Variants in METAP1 observed in about 807,000 individuals in gnomAD.
The protein encoded by METAP1 is methionine aminopeptidase 1.
In METAP1, 28 loss-of-function variants were observed where a neutral mutation model predicts 53.8. The observed-to-expected ratio is 0.52, with a 90% confidence interval of 0.39 to 0.71. METAP1 has a LOEUF of 0.71. Among genes scored for constraint, METAP1 ranks in the 30% least tolerant of loss-of-function variants. METAP1 has a pLI of 0.00. For synonymous variants in METAP1, 181 were observed against 165.7 expected (o/e 1.09, Z -0.71); for missense variants, 389 against 479.8 (o/e 0.81, Z 1.77).
intron 8 of METAP1, among the ~76,000 whole-genome samples, chr4:99,047,228 T>G (rs539436272): frequency 5.9e-5 from 9 of 152,268 alleles, no homozygotes; most frequent in Middle Eastern, 3.4e-3. Flanking sequence ...GGCCTGATAA[T>G]TTTTTGTTGT....
At chr4:99,022,093 A>G (rs923559540) in intron 1 of METAP1, among the ~76,000 whole-genome samples, 5 of 152,256 alleles carry the variant, frequency 3.3e-5, no homozygotes, top group Non-Finnish European at 5.9e-5. Flanking sequence ...TGCAGTAGTC[A>G]TAATCATGCT....
chr4:99,021,678 A>G (rs1022994457), intron 1 of METAP1, among the ~76,000 whole-genome samples: 10 of 152,142 alleles, frequency 6.6e-5, no homozygotes, highest in Admixed American at 5.9e-4. Flanking sequence ...TCCTGACACA[A>G]TCCCCTATGG....
chr4:99,012,331 C>G (rs1723520225), intron 1 of METAP1, among the ~76,000 whole-genome samples: 1 of 147,208 alleles, frequency 6.8e-6, no homozygotes, highest in South Asian at 2.2e-4. Context: ...AGTGAGGTGG[C>G]ACAATCTTGG....
chr4:99,061,516 T>G lies in METAP1; in HGVS notation c.*199T>G, dbSNP rs2110445364. On this transcript the variant is annotated 3_prime_UTR_variant, in exon 11 of 11. Coordinates refer to ENST00000296411, the MANE Select transcript of METAP1 (RefSeq NM_015143.3). The stretch of plus-strand genomic sequence containing the variant: ...CTGAGAAGAATAAAGGAAACATTGC[T>G]CAACTCTTCAGCCCCCTCCCCCTGC... 2.3e-6 allele frequency: 1 copy of G among 441,474 alleles called. No individual in the cohort carries two copies. The highest frequency in any genetic ancestry group is 2.0e-5 in the African/African-American group (1 of 49,148). The allele number at this position is 441,474 out of a possible 1,614,324, so 27.3% of individuals were successfully genotyped here.
intron 1 of METAP1, among the ~76,000 whole-genome samples, chr4:99,012,968 T>A (rs1269953182): frequency 1.3e-5 from 2 of 152,186 alleles, no homozygotes; most frequent in African/African-American, 4.8e-5. Flanking sequence ...TCTAGGGGAC[T>A]GGAATTAATA....
At chr4:99,015,488 A>G (rs968307724) in intron 1 of METAP1, among the ~76,000 whole-genome samples, 2 of 152,214 alleles carry the variant, frequency 1.3e-5, no homozygotes, top group African/African-American at 4.8e-5. Context: ...AAAGCTTACA[A>G]TCAGGGGAAA....
chr4:99,032,100 G>T (rs989537459), intron 2 of METAP1, among the ~76,000 whole-genome samples: 4 of 152,106 alleles, frequency 2.6e-5, no homozygotes, highest in Admixed American at 6.6e-5. Flanking sequence ...CTTTTCAAGT[G>T]TGAATTTTCC....
At chr4:99,044,229 A>G (rs562692976) in intron 7 of METAP1, among the ~76,000 whole-genome samples, 1 of 152,258 alleles carries the variant, frequency 6.6e-6, no homozygotes, top group East Asian at 1.9e-4. Flanking sequence ...TGCCTGGCTT[A>G]GATGGCATTT....
chr4:99,049,123 T>C (rs1343207218), intron 9 of METAP1, among the ~76,000 whole-genome samples: 3 of 152,222 alleles, frequency 2.0e-5, no homozygotes, highest in Non-Finnish European at 2.9e-5. Context: ...GGCTGTGTCA[T>C]CTTTGACCTA....
intron 1 of METAP1, among the ~76,000 whole-genome samples, chr4:99,010,102 A>G (rs931390146): frequency 6.6e-6 from 1 of 152,172 alleles, no homozygotes. Context: ...ATTTGGATCC[A>G]GTTTTCCCAA....
intron 1 of METAP1, among the ~76,000 whole-genome samples, chr4:99,018,656 A>G (rs1000495343): frequency 2.6e-5 from 4 of 152,242 alleles, no homozygotes; most frequent in Non-Finnish European, 5.9e-5. Context: ...TGGATTTGTC[A>G]TAGTAGCGTG....
At chr4:99,023,240 A>G (rs1438455533) in intron 1 of METAP1, 1 of 456,764 alleles carries the variant, frequency 2.2e-6, no homozygotes, top group Non-Finnish European at 3.6e-6. Flanking sequence ...ATGTATATCT[A>G]AATTCTCTTT....
At chr4:99,018,570 G>A (rs559335912) in intron 1 of METAP1, among the ~76,000 whole-genome samples, 1 of 152,162 alleles carries the variant, frequency 6.6e-6, no homozygotes, top group Non-Finnish European at 1.5e-5. Flanking sequence ...GCCAAAGGAC[G>A]TGCCCAGAAA....
Position 99,045,427 on chromosome 4 carries a change from A to G in METAP1, c.787+117A>G, listed in dbSNP as rs1031516272. On this transcript the variant is annotated intron_variant, in intron 8 of 10. Coordinates refer to ENST00000296411, the MANE Select transcript of METAP1 (RefSeq NM_015143.3). ...TTCCAGGTTGCCCCTGTTCTACCTG[A>G]GTTAGCTTTGGTTGTTAGCAGTAAT... The G allele has an allele frequency of 1.3e-5, 15 of 1,148,066 alleles. No individual in the cohort carries two copies. The African/African-American group carries it at 2.0e-4, about 16-fold the overall frequency. The allele number at this position is 1,148,066 out of a possible 1,614,324, so 71.1% of individuals were successfully genotyped here.
At chr4:99,025,084 C>T (rs768574500) in intron 1 of METAP1, among the ~76,000 whole-genome samples, 2 of 152,228 alleles carry the variant, frequency 1.3e-5, no homozygotes, top group Non-Finnish European at 2.9e-5. Context: ...CCCGGTAATG[C>T]GGTAATAATG....
chr4:99,036,718 C>T (rs1725448632), intron 4 of METAP1, among the ~76,000 whole-genome samples: 1 of 152,038 alleles, frequency 6.6e-6, no homozygotes, highest in South Asian at 2.1e-4. Context: ...CAGGCTTTTA[C>T]TACTGAGTGT....
chr4:99,008,559 A>G (rs1234973), intron 1 of METAP1, among the ~76,000 whole-genome samples: 25,110 of 152,162 alleles, frequency 0.17, 3,346 homozygotes, highest in East Asian at 0.8. Context: ...CATATGTACT[A>G]TATACAGGTT....
chr4:99,035,334 C>G, intron 3 of METAP1, 66 bp from the exon 4 acceptor site: 372 of 1,104,758 alleles, frequency 3.4e-4, no homozygotes, highest in Non-Finnish European at 4.5e-4. Flanking sequence ...TTTGAATGGA[C>G]TTCTTTCTCC....
chr4:99,018,480 A>G (rs1474286215), intron 1 of METAP1, among the ~76,000 whole-genome samples: 1 of 152,164 alleles, frequency 6.6e-6, no homozygotes, highest in Non-Finnish European at 1.5e-5. Flanking sequence ...TCCTGGGGCA[A>G]TACTATCCAC....
Sources: allele counts gnomAD v4.1 joint callset (sites outside exome capture counted in the v4.1 genomes callset), GRCh38; gene constraint gnomAD v4.1.1; transcripts MANE v1.5; gene names NCBI Gene and HGNC (gene_info 2026-07-23, HGNC 2026-07-21).